The following CEACAM8 variants were observed in gnomAD, a reference collection of about 807,000 sequenced individuals.
CEACAM8 encodes CEA cell adhesion molecule 8.
Under a neutral mutation model 33.4 loss-of-function variants are expected in CEACAM8, and 31 were observed. That is an observed-to-expected ratio of 0.93 (90% CI 0.70 to 1.25). CEACAM8 has a LOEUF of 1.25. CEACAM8 is among the 50% of genes most tolerant of loss of function. CEACAM8 has a pLI of 0.00. For missense variants in CEACAM8, 388 were observed against 434.6 expected, an observed-to-expected ratio of 0.89 and a Z score of 0.95; for synonymous variants, 138 against 164.5, an observed-to-expected ratio of 0.84 and a Z score of 1.23.
rs547474686 is a variant in CEACAM8 at position 42,580,725 on chromosome 19, A to G, written c.*669T>C. The G allele has an allele frequency of 3.3e-5, 5 of 152,364 alleles. No individual in the cohort carries two copies. The highest frequency in any genetic ancestry group is 1.2e-4 in the African/African-American group (5 of 41,586). 9.4% of individuals were successfully genotyped at this position (152,364 alleles called of 1,614,324 possible). On this transcript the variant is annotated 3_prime_UTR_variant, in exon 6 of 6. Transcript: ENST00000244336. The stretch of plus-strand genomic sequence containing the variant: ...TACCAAATTGCAGTAAGGTATAGAT[A>G]GCTTAAAAGATAAAGAAATTCATAA...
Position 42,593,800 on chromosome 19 carries a change from G to A in CEACAM8, c.165C>T (p.Val55=), listed in dbSNP as rs1486516645. ...AAEGKEVLLL[V]HNLPQDPRGY... ...CACGAGGGTCCTGGGGCAGATTGTGGACAAGTAGAAGAACCTCCTTCCCCT... is the reference window on the plus strand; with the variant it reads ...CACGAGGGTCCTGGGGCAGATTGTGAACAAGTAGAAGAACCTCCTTCCCCT... Residue 55 remains valine (V), a synonymous_variant, in exon 2 of 6, where the codon GTC becomes GTT. Coordinates refer to ENST00000244336, the MANE Select transcript of CEACAM8 (RefSeq NM_001816.4). The A allele has an allele frequency of 6.2e-7, 1 of 1,614,074 alleles. No homozygotes were observed. The highest frequency in any genetic ancestry group is 1.3e-5 in the African/African-American group (1 of 75,008).
intron 2 of CEACAM8, among the ~76,000 whole-genome samples, chr19:42,591,116 G>A (rs1225070591): frequency 1.3e-5 from 2 of 152,084 alleles, no homozygotes; most frequent in African/African-American, 2.4e-5. Context: ...ACTCTAATTT[G>A]CATTTTAAAA....
intron 4 of CEACAM8, among the ~76,000 whole-genome samples, chr19:42,583,627 T>G (rs2042288967): frequency 1.3e-5 from 2 of 152,258 alleles, no homozygotes; most frequent in South Asian, 4.1e-4. Flanking sequence ...TGCTATTTTA[T>G]GTGTCATTAG....
chr19:42,592,644 T>A (rs1451032015), intron 2 of CEACAM8, among the ~76,000 whole-genome samples: 1 of 151,722 alleles, frequency 6.6e-6, no homozygotes, highest in Admixed American at 6.6e-5. Context: ...TTATTATTTC[T>A]TTCTCAATAG....
At chr19:42,586,440 A>G (rs1028657227) in intron 4 of CEACAM8, among the ~76,000 whole-genome samples, 2 of 152,256 alleles carry the variant, frequency 1.3e-5, no homozygotes, top group African/African-American at 4.8e-5. Context: ...GCTTGCATAT[A>G]TGGCCAAATG....
chr19:42,592,683 A>G (rs750096208), intron 2 of CEACAM8, among the ~76,000 whole-genome samples: 11 of 151,488 alleles, frequency 7.3e-5, no homozygotes, highest in Non-Finnish European at 1.5e-4. Context: ...CAGGTTTTCT[A>G]TGAATTAGCA....
intron 4 of CEACAM8, 31 bp downstream of exon 4, chr19:42,588,753 C>T: frequency 6.2e-7 from 1 of 1,611,626 alleles, no homozygotes; most frequent in Non-Finnish European, 8.5e-7. Flanking sequence ...TACCAGAAAA[C>T]ATACTGCCAG....
chr19:42,588,901 T>G lies in CEACAM8; in HGVS notation c.841A>C (p.Thr281Pro). The G allele has an allele frequency of 6.2e-7, 1 of 1,614,200 alleles. No homozygotes were observed. Among genetic ancestry groups the G allele is most frequent in the Non-Finnish European group, 8.5e-7 (1 of 1,180,034 alleles). ...ATGTTGGGGATAAAGAGCTTTTGTG[T>G]GTATTGCTGGAATGTGCCATTGACA... Reference protein sequence around the residue: ...WSVNGTFQQYTQKLFIPNITT... With the variant: ...WSVNGTFQQYPQKLFIPNITT... Residue 281 changes from threonine to proline, a missense_variant, in exon 4 of 6, where the codon ACA (threonine) becomes CCA (proline). Physicochemically the swap from Thr to Pro is conservative, Grantham distance 38. Transcript: ENST00000244336.
chr19:42,592,546 T>G (rs1440393256), intron 2 of CEACAM8, among the ~76,000 whole-genome samples: 1 of 131,066 alleles, frequency 7.6e-6, no homozygotes, highest in Non-Finnish European at 1.5e-5. Context: ...GAGGTTGCAG[T>G]GAGCTGAGAT....
chr19:42,593,311 C>T (rs2042479951), intron 2 of CEACAM8, among the ~76,000 whole-genome samples: 1 of 152,188 alleles, frequency 6.6e-6, no homozygotes, highest in Admixed American at 6.5e-5. Context: ...GCTGAGTCCC[C>T]CCATCAGACT....
intron 2 of CEACAM8, among the ~76,000 whole-genome samples, chr19:42,593,270 C>T (rs557716857): frequency 3.9e-5 from 6 of 152,290 alleles, no homozygotes; most frequent in South Asian, 2.1e-4. Context: ...GGGGAGGGCA[C>T]GGGGTGCCTG....
chr19:42,593,491 G>T, intron 2 of CEACAM8, 50 bp downstream of exon 2: 1 of 1,531,044 alleles, frequency 6.5e-7, no homozygotes, highest in Non-Finnish European at 8.8e-7. Context: ...TCCTGTGTGT[G>T]GGAAGTAGAA....
Position 42,592,325 on chromosome 19 carries a change from C to A in CEACAM8, c.424+1216G>T, listed in dbSNP as rs570320388. Among the ~76,000 whole-genome samples the A allele has an allele frequency of 1.2e-3, 179 of 152,196 alleles. 3 individuals carry two copies. The highest frequency in any genetic ancestry group is 1.2e-4 in the Non-Finnish European group (8 of 68,004). ...AGCTTCTATTAAAAGAAATAATAGG[C>A]TGAGCGCAGTGGCTCATGCCTGTAA... On this transcript the variant is annotated intron_variant, in intron 2 of 5. Coordinates refer to ENST00000244336, the MANE Select transcript of CEACAM8 (RefSeq NM_001816.4).
chr19:42,581,922 T>TA (rs1568690346), intron 5 of CEACAM8, among the ~76,000 whole-genome samples: 1 of 44,990 alleles, frequency 2.2e-5, no homozygotes, highest in Non-Finnish European at 4.3e-5. Flanking sequence ...AAAAAAAAAA[T>TA]ATATATATAT....
rs1301638617 is a variant in CEACAM8, at chr19:42,580,520, GT to G, written c.*873del. On this transcript the variant is annotated 3_prime_UTR_variant, in exon 6 of 6. Transcript: ENST00000244336. ...ATATAACATCCCAATCAAAGCCTTG[GT>G]AATATAACCAATGTTTTAAACTATA... 30 of 152,248 alleles carry G rather than the reference GT, an allele frequency of 2.0e-4. 1 individual carries two copies. The highest frequency in any genetic ancestry group is 1.8e-3 in the Admixed American group (28 of 15,292). 9.4% of individuals were successfully genotyped at this position (152,248 alleles called of 1,614,324 possible). A position where few individuals can be genotyped will look rare whatever the true frequency, so the allele number is the denominator to read the frequency against.
At chr19:42,582,614 AG>A (rs1379741845) in intron 5 of CEACAM8, among the ~76,000 whole-genome samples, 1 of 152,214 alleles carries the variant, frequency 6.6e-6, no homozygotes, top group Admixed American at 6.5e-5. Flanking sequence ...CCCTGTTTCT[AG>A]GCATAGCATT....
Position 42,594,920 on chromosome 19 carries a change from C to T in CEACAM8, c.-92G>A. The T allele has an allele frequency of 7.0e-7, 1 of 1,420,056 alleles. No individual in the cohort carries two copies. Among genetic ancestry groups the T allele is most frequent in the South Asian group, 1.3e-5 (1 of 77,186 alleles). The allele number at this position is 1,420,056 out of a possible 1,614,324, so 88.0% of individuals were successfully genotyped here. A position where few individuals can be genotyped will look rare whatever the true frequency, so the allele number is the denominator to read the frequency against. ...GGCTGTCAGCTGTGCTGTCCTTCCT[C>T]CTTTTGTGCTGAGCCTCTTCCCGGG... On this transcript the variant is annotated 5_prime_UTR_variant, in exon 1 of 6. Transcript: ENST00000244336.
chr19:42,581,946 T>TATATATATATATAA (rs765190705), intron 5 of CEACAM8, among the ~76,000 whole-genome samples: 2 of 84,088 alleles, frequency 2.4e-5, no homozygotes, highest in African/African-American at 9.5e-5. Flanking sequence ...TATATATATA[T>TATATATATATATAA]AAAATAAGGT....
chr19:42,586,215 A>AT (rs1177796577), intron 4 of CEACAM8, among the ~76,000 whole-genome samples: 5 of 152,088 alleles, frequency 3.3e-5, no homozygotes, highest in African/African-American at 4.8e-5. Flanking sequence ...TTCCAATGAC[A>AT]TTTTTTTGCA....
Sources: allele counts gnomAD v4.1 joint callset (sites outside exome capture counted in the v4.1 genomes callset), GRCh38; gene constraint gnomAD v4.1.1; transcripts MANE v1.5; gene names NCBI Gene and HGNC (gene_info 2026-07-23, HGNC 2026-07-21).